The following BMPR1B variants were observed in gnomAD, a reference collection of about 807,000 sequenced individuals.
BMPR1B encodes bone morphogenetic protein receptor type-1B.
BMPR1B carries 12 observed loss-of-function variants against 59.1 expected under a neutral mutation model. That is an observed-to-expected ratio of 0.20 (90% confidence interval 0.13 to 0.33). The LOEUF (loss-of-function observed/expected upper bound fraction) is 0.33. BMPR1B is among the 10% of genes least tolerant of loss of function. The pLI, the probability that BMPR1B is intolerant of heterozygous loss-of-function variation, is 1.00. For synonymous variants in BMPR1B, 237 were observed against 207.3 expected, an observed-to-expected ratio of 1.14 and a Z score of -1.23; for missense variants, 550 against 610.9, an observed-to-expected ratio of 0.90 and a Z score of 1.05.
intron 1 of BMPR1B, among the ~76,000 whole-genome samples, chr4:94,762,190 T>C (rs1010247700): frequency 2.6e-5 from 4 of 152,130 alleles, no homozygotes; most frequent in Non-Finnish European, 4.4e-5. Context: ...TTTGAATGCC[T>C]ACTCTGTGTG....
chr4:94,845,450 C>T (rs1444099296), intron 1 of BMPR1B, among the ~76,000 whole-genome samples: 2 of 151,788 alleles, frequency 1.3e-5, no homozygotes, highest in Non-Finnish European at 2.9e-5. Context: ...TCACGCCATT[C>T]TCTTGCCTCA....
intron 1 of BMPR1B, among the ~76,000 whole-genome samples, chr4:94,768,370 A>G (rs1466283647): frequency 6.6e-6 from 1 of 152,026 alleles, no homozygotes; most frequent in Non-Finnish European, 1.5e-5. Context: ...AAACAACAAC[A>G]ACAACAACAA....
At chr4:94,933,306 T>G (rs1729165511) in intron 2 of BMPR1B, among the ~76,000 whole-genome samples, 1 of 152,120 alleles carries the variant, frequency 6.6e-6, no homozygotes, top group Admixed American at 6.6e-5. Flanking sequence ...AACTTTTTCC[T>G]TATTGTTGTA....
chr4:95,030,921 G>A (rs954716265), intron 3 of BMPR1B, among the ~76,000 whole-genome samples: 1 of 152,158 alleles, frequency 6.6e-6, no homozygotes, highest in South Asian at 2.1e-4. Flanking sequence ...GGAAGAATCA[G>A]TATCGTGAAA....
intron 1 of BMPR1B, among the ~76,000 whole-genome samples, chr4:94,777,075 T>C (rs1722398315): frequency 6.6e-6 from 1 of 152,210 alleles, no homozygotes. Context: ...ATTTTCCTTA[T>C]TTTTATCATA....
intron 2 of BMPR1B, among the ~76,000 whole-genome samples, chr4:94,972,058 C>T (rs79127362): frequency 0.029 from 4,435 of 151,648 alleles, 209 homozygotes; most frequent in African/African-American, 0.1. Context: ...ATTATTCAAA[C>T]TTAATAGTAT....
Position 94,895,263 on chromosome 4 carries a change from A to G in BMPR1B, c.-113+19363A>G, listed in dbSNP as rs377738541. 1.9e-4 allele frequency among the ~76,000 whole-genome samples: 29 copies of G among 152,152 alleles called. No individual in the cohort carries two copies. In the South Asian group the frequency reaches 4.3e-3, roughly 23 times the overall value. On this transcript the variant is annotated intron_variant, in intron 2 of 12. Transcript: ENST00000515059. The stretch of plus-strand genomic sequence containing the variant: ...GACGTGTTTATTCAAAGATGGCAGC[A>G]CAGAGGTGAATAGGCTAAATGCTCT...
At chr4:94,779,844 A>G (rs78329339) in intron 1 of BMPR1B, among the ~76,000 whole-genome samples, 4 of 147,766 alleles carry the variant, frequency 2.7e-5, no homozygotes, top group East Asian at 2.0e-4. Context: ...AAAACATTAG[A>G]AAAAAAAAAG....
At chr4:95,137,457 A>G (rs1170033506) in intron 10 of BMPR1B, among the ~76,000 whole-genome samples, 1 of 152,056 alleles carries the variant, frequency 6.6e-6, no homozygotes, top group African/African-American at 2.4e-5. Context: ...CAATTCCTGG[A>G]TATCCTTCTT....
intron 2 of BMPR1B, among the ~76,000 whole-genome samples, chr4:94,929,071 AG>A (rs1470390456): frequency 1.3e-5 from 2 of 152,092 alleles, no homozygotes; most frequent in African/African-American, 4.8e-5. Flanking sequence ...CAACAATTCC[AG>A]CTTCCTTAGA....
chr4:95,108,246 C>T (rs1403294030), intron 4 of BMPR1B, among the ~76,000 whole-genome samples: 1 of 151,966 alleles, frequency 6.6e-6, no homozygotes, highest in East Asian at 1.9e-4. Context: ...GTTTGCTGAC[C>T]TGCAGGGGAA....
At chr4:95,070,851 C>T (rs1033218801) in intron 3 of BMPR1B, among the ~76,000 whole-genome samples, 3 of 152,238 alleles carry the variant, frequency 2.0e-5, no homozygotes, top group Admixed American at 6.5e-5. Context: ...TAAGACAAAA[C>T]GCCTGAGTAT....
At chr4:95,000,153 G>A (rs561600267) in intron 3 of BMPR1B, among the ~76,000 whole-genome samples, 2 of 152,134 alleles carry the variant, frequency 1.3e-5, no homozygotes, top group African/African-American at 4.8e-5. Context: ...TTTTACTTTA[G>A]TGTGCTCTAC....
intron 3 of BMPR1B, among the ~76,000 whole-genome samples, chr4:95,070,068 C>T (rs1026638887): frequency 6.6e-6 from 1 of 152,176 alleles, no homozygotes; most frequent in Admixed American, 6.5e-5. Flanking sequence ...CATTGCACTC[C>T]AGCCTGGGCA....
chr4:95,036,402 C>A (rs908777062), intron 3 of BMPR1B, among the ~76,000 whole-genome samples: 4 of 152,088 alleles, frequency 2.6e-5, no homozygotes, highest in Non-Finnish European at 5.9e-5. Context: ...ATCCTATACC[C>A]TTTTTGTCCA....
At chr4:95,149,163 G>A (rs773397543) in intron 11 of BMPR1B, among the ~76,000 whole-genome samples, 2 of 152,100 alleles carry the variant, frequency 1.3e-5, no homozygotes, top group Non-Finnish European at 2.9e-5. Context: ...GCTTTTTCAA[G>A]CATCACTGTT....
intron 2 of BMPR1B, among the ~76,000 whole-genome samples, chr4:94,979,808 C>T (rs535011743): frequency 4.6e-5 from 7 of 152,352 alleles, no homozygotes; most frequent in African/African-American, 1.7e-4. Flanking sequence ...GGCTAATCTT[C>T]TGTCACTACA....
chr4:94,844,777 A>G (rs1174370619), intron 1 of BMPR1B, among the ~76,000 whole-genome samples: 2 of 152,236 alleles, frequency 1.3e-5, no homozygotes, highest in East Asian at 1.9e-4. Flanking sequence ...TGCTGAAAAA[A>G]GAAATAAGCA....
chr4:95,005,502 C>A (rs1212248936), intron 3 of BMPR1B, among the ~76,000 whole-genome samples: 1 of 152,070 alleles, frequency 6.6e-6, no homozygotes. Flanking sequence ...TTCAGACAGC[C>A]CACCCACCCA....
Sources: gnomAD v4.1 joint callset for allele counts (sites outside exome capture counted in the v4.1 genomes callset) on GRCh38, gnomAD v4.1.1 for gene constraint, MANE v1.5 for transcripts, NCBI Gene and HGNC (gene_info 2026-07-23, HGNC 2026-07-21) for gene names.